The following SLF2 variants were observed in gnomAD, a reference collection of about 807,000 sequenced individuals.
The protein encoded by SLF2 is SMC5/6 complex localization factor 2.
In SLF2, 68 loss-of-function variants were observed where a neutral mutation model predicts 124.3. That is an observed-to-expected ratio of 0.55 (90% CI 0.45 to 0.67). The LOEUF (loss-of-function observed/expected upper bound fraction) is 0.67, where lower values mean the gene tolerates loss of function less well. SLF2 is among the 30% of genes least tolerant of loss of function. The probability of loss-of-function intolerance (pLI) is 0.00; values close to 1 mark genes in which losing one functional copy is unlikely to be tolerated. For synonymous variants in SLF2, 480 were observed against 478.8 expected (o/e 1.00, Z -0.03); for missense variants, 1,246 against 1,373.7 (o/e 0.91, Z 1.47).
chr10:100,917,397 G>A (rs544692651), intron 3 of SLF2, 97 bp downstream of exon 3: 47 of 1,334,594 alleles, frequency 3.5e-5, no homozygotes, highest in African/African-American at 8.9e-5. Flanking sequence ...TCACATTGAC[G>A]TCTTTCCTGA....
intron 19 of SLF2, among the ~76,000 whole-genome samples, chr10:100,961,220 C>A (rs1474344947): frequency 6.6e-6 from 1 of 151,836 alleles, no homozygotes; most frequent in Non-Finnish European, 1.5e-5. Flanking sequence ...CCGTGTTAGC[C>A]AGGATGGTCT....
intron 17 of SLF2, among the ~76,000 whole-genome samples, chr10:100,955,512 C>T (rs1204096577): frequency 6.6e-6 from 1 of 152,060 alleles, no homozygotes; most frequent in Non-Finnish European, 1.5e-5. Flanking sequence ...TGTATCTCAA[C>T]ACATTGGGAG....
At chr10:100,955,236 G>A (rs369046222) in intron 17 of SLF2, among the ~76,000 whole-genome samples, 9 of 151,208 alleles carry the variant, frequency 6.0e-5, no homozygotes, top group African/African-American at 1.7e-4. Flanking sequence ...TACCTCGCCC[G>A]GCTGACCCTA....
chr10:100,946,221 G>A (rs953336723), intron 13 of SLF2, among the ~76,000 whole-genome samples: 5 of 151,804 alleles, frequency 3.3e-5, no homozygotes, highest in Non-Finnish European at 5.9e-5. Flanking sequence ...ATGTAAAACC[G>A]ACCCTATATT....
intron 1 of SLF2, 36 bp downstream of exon 1, chr10:100,913,286 C>T: frequency 1.3e-6 from 2 of 1,529,622 alleles, no homozygotes; most frequent in Non-Finnish European, 1.8e-6. Flanking sequence ...GGCCGGGTCG[C>T]GGGGGCAAGG....
chr10:100,959,624 C>T lies in SLF2; in HGVS notation c.3486+128C>T, dbSNP rs1273010745. ...TAGTTATCTTAAGATAAACTGAAAA[C>T]GCCAGTATAATACATGGTTTGTAAT... On this transcript the variant is annotated intron_variant, in intron 19 of 19. Coordinates refer to ENST00000238961, the MANE Select transcript of SLF2 (RefSeq NM_018121.4). The T allele has an allele frequency of 2.0e-5, 28 of 1,381,590 alleles. No homozygotes were observed. The South Asian group carries it at 3.8e-4, about 19-fold the overall frequency. The allele number at this position is 1,381,590 out of a possible 1,614,324, so 85.6% of individuals were successfully genotyped here. A position where few individuals can be genotyped will look rare whatever the true frequency, so the allele number is the denominator to read the frequency against.
At chr10:100,956,796 T>C (rs1317693820) in intron 18 of SLF2, among the ~76,000 whole-genome samples, 2 of 152,000 alleles carry the variant, frequency 1.3e-5, no homozygotes, top group Admixed American at 1.3e-4. Context: ...CATGGTGTCA[T>C]GCACCTGTAG....
At chr10:100,932,795 G>A (rs1849770466) in intron 9 of SLF2, among the ~76,000 whole-genome samples, 1 of 152,050 alleles carries the variant, frequency 6.6e-6, no homozygotes, top group Non-Finnish European at 1.5e-5. Flanking sequence ...CGTAGGGTAA[G>A]GTAGATACAG....
chr10:100,914,933 A>G (rs1426571151), intron 1 of SLF2, among the ~76,000 whole-genome samples: 1 of 152,220 alleles, frequency 6.6e-6, no homozygotes. Flanking sequence ...TCAATAGTCT[A>G]TAGCTTATTC....
intron 17 of SLF2, among the ~76,000 whole-genome samples, chr10:100,955,861 G>A (rs567336321): frequency 2.7e-5 from 4 of 150,480 alleles, no homozygotes; most frequent in African/African-American, 7.4e-5. Context: ...AGCTGAGATC[G>A]CACCACTGCA....
chr10:100,959,478 G>T lies in SLF2; in HGVS notation c.3468G>T (p.Gln1156His). Residue 1156 changes from glutamine (Q) to histidine (H), a missense_variant, in exon 19 of 20, where the codon CAG (glutamine) becomes CAT (histidine). This residue lies in a region of SLF2 where 535 missense variants were observed against 632.8 expected (regional missense o/e 0.85). Transcript: ENST00000238961. ...ATGGAAAATGGCAGGAAATAATCCA[G>T]AACTGTCGGCCTACTCAGGTGTCAT... ...RIHGKWQEII[Q>H]NCRPTQGQLH... 6.2e-7 allele frequency: 1 copy of T among 1,611,726 alleles called. No individual in the cohort carries two copies. Among genetic ancestry groups the T allele is most frequent in the Non-Finnish European group, 8.5e-7 (1 of 1,179,482 alleles).
chr10:100,950,619 G>A (rs1850193002), intron 16 of SLF2, 57 bp from the exon 17 acceptor site: 2 of 1,433,532 alleles, frequency 1.4e-6, no homozygotes, highest in African/African-American at 2.8e-5. Context: ...GTGTAAATTG[G>A]AATGACATCT....
chr10:100,950,312 A>G, intron 16 of SLF2, 105 bp downstream of exon 16: 1 of 1,160,264 alleles, frequency 8.6e-7, no homozygotes, highest in East Asian at 2.5e-5. Context: ...GACACTAGAC[A>G]CATTCTAGCA....
chr10:100,929,805 T>C, intron 7 of SLF2, 25 bp from the exon 8 acceptor site: 1 of 1,536,564 alleles, frequency 6.5e-7, no homozygotes, highest in Non-Finnish European at 8.8e-7. Flanking sequence ...CAATTTGGTA[T>C]TGATTGACTT....
At position 100,944,107 on chromosome 10, in the gene SLF2, C is replaced by T; in HGVS notation, c.2736C>T (p.Thr912=). The change falls in exon 12 of 20, where the codon ACC becomes ACT. Residue 912 remains threonine (T), a synonymous_variant. Transcript: ENST00000238961. The stretch of plus-strand genomic sequence containing the variant: ...CAATTTTTTCAACACTTCCTGAAAC[C>T]AACATTTTAAATGTGGTTAAGGTAG... ...YKPIFSTLPE[T]NILNVVKFLG... is the part of the protein sequence containing the mutation. 6.2e-7 allele frequency: 1 copy of T among 1,610,442 alleles called. No homozygotes were observed. The highest frequency in any genetic ancestry group is 2.2e-5 in the East Asian group (1 of 44,794).
chr10:100,950,714 T>C lies in SLF2; in HGVS notation c.3291T>C (p.Gly1097=). 1.2e-6 allele frequency: 2 copies of C among 1,614,052 alleles called. No individual in the cohort carries two copies. The highest frequency in any genetic ancestry group is 1.7e-6 in the Non-Finnish European group (2 of 1,179,944). Reference sequence around the variant, plus strand: ...CCTACATTCTTCTTCATTTAGTCGGTGAAGTTAGTTGTTCTCATTCTTTTT... The same window carrying C: ...CCTACATTCTTCTTCATTTAGTCGGCGAAGTTAGTTGTTCTCATTCTTTTT... ...YLTYILLHLV[G]EVSCSHSFSS... is the part of the protein sequence containing the mutation. Residue 1097 remains glycine (G), a synonymous_variant, in exon 17 of 20, where the codon GGT becomes GGC. Coordinates refer to ENST00000238961, the MANE Select transcript of SLF2 (RefSeq NM_018121.4).
intron 9 of SLF2, 25 bp downstream of exon 9, chr10:100,931,103 T>C: frequency 6.6e-7 from 1 of 1,516,676 alleles, no homozygotes; most frequent in South Asian, 1.2e-5. Flanking sequence ...TAGAGGGTTA[T>C]AGTTGCCTCC....
rs1315672008 is a variant in SLF2, at chr10:100,959,507, G to A, written c.3486+11G>A. 1.2e-5 allele frequency: 19 copies of A among 1,611,476 alleles called. No homozygotes were observed. Among genetic ancestry groups the A allele is most frequent in the South Asian group, 2.2e-5 (2 of 90,766 alleles). On this transcript the variant is annotated intron_variant, in intron 19 of 19. Transcript: ENST00000238961. Reference sequence around the variant, plus strand: ...TGTCGGCCTACTCAGGTGTCATTTTGTTATACAATTTCATGTATTCTTAAT... The same window carrying A: ...TGTCGGCCTACTCAGGTGTCATTTTATTATACAATTTCATGTATTCTTAAT...
intron 1 of SLF2, among the ~76,000 whole-genome samples, chr10:100,914,895 C>T (rs1447900028): frequency 6.6e-6 from 1 of 152,182 alleles, no homozygotes; most frequent in East Asian, 1.9e-4. Flanking sequence ...AGCATTCCAA[C>T]CTCATAGTGG....
Sources: allele counts gnomAD v4.1 joint callset (sites outside exome capture counted in the v4.1 genomes callset), GRCh38; gene constraint gnomAD v4.1.1; regional missense constraint gnomAD v4.1.1; transcripts MANE v1.5; gene names NCBI Gene and HGNC (gene_info 2026-07-23, HGNC 2026-07-21).